The following PRKCE variants were observed in gnomAD, a reference collection of about 807,000 sequenced individuals.
PRKCE encodes the protein protein kinase C epsilon type.
In PRKCE, 16 loss-of-function variants were observed where a neutral mutation model predicts 85.4. The observed-to-expected ratio is 0.19, with a 90% CI of 0.13 to 0.28. The LOEUF (loss-of-function observed/expected upper bound fraction) is 0.28. PRKCE is among the 10% of genes least tolerant of loss of function. PRKCE has a pLI of 1.00. For missense variants in PRKCE, 573 were observed against 975.2 expected, an observed-to-expected ratio of 0.59 and a Z score of 5.49; for synonymous variants, 388 against 371.5, an observed-to-expected ratio of 1.04 and a Z score of -0.51.
chr2:45,890,667 C>T (rs532750050), intron 2 of PRKCE, among the ~76,000 whole-genome samples: 22 of 152,352 alleles, frequency 1.4e-4, no homozygotes, highest in African/African-American at 5.3e-4. Context: ...AGGTGTGAGC[C>T]ACCACACCTG....
intron 2 of PRKCE, among the ~76,000 whole-genome samples, chr2:45,948,057 G>C (rs1700358240): frequency 1.3e-5 from 2 of 152,190 alleles, no homozygotes; most frequent in African/African-American, 4.8e-5. Context: ...ATATCTAAGT[G>C]GTAGGCACTG....
intron 8 of PRKCE, among the ~76,000 whole-genome samples, chr2:46,006,407 C>A (rs1705204622): frequency 6.6e-6 from 1 of 152,182 alleles, no homozygotes; most frequent in Non-Finnish European, 1.5e-5. Context: ...CCCGTCTTCA[C>A]CCTCCCCAAC....
chr2:45,818,203 C>G (rs1689240121), intron 1 of PRKCE, among the ~76,000 whole-genome samples: 1 of 152,164 alleles, frequency 6.6e-6, no homozygotes, highest in Admixed American at 6.5e-5. Flanking sequence ...TACTTTTTGG[C>G]ATTCACAAGA....
chr2:45,891,401 A>C (rs1695711816), intron 2 of PRKCE, among the ~76,000 whole-genome samples: 1 of 152,224 alleles, frequency 6.6e-6, no homozygotes. Flanking sequence ...GCCATGCCAC[A>C]GGAAAGTCGG....
intron 1 of PRKCE, among the ~76,000 whole-genome samples, chr2:45,839,549 G>A (rs965886609): frequency 6.6e-6 from 1 of 152,240 alleles, no homozygotes; most frequent in Non-Finnish European, 1.5e-5. Flanking sequence ...GGAATGGCTG[G>A]GAGGAGGTAG....
intron 6 of PRKCE, among the ~76,000 whole-genome samples, chr2:46,000,575 C>A (rs1298502950): frequency 6.6e-6 from 1 of 152,094 alleles, no homozygotes; most frequent in African/African-American, 2.4e-5. Flanking sequence ...CCACGTTCCC[C>A]ACCCCCAACC....
intron 1 of PRKCE, among the ~76,000 whole-genome samples, chr2:45,815,753 A>T (rs1006818513): frequency 6.6e-6 from 1 of 152,214 alleles, no homozygotes; most frequent in African/African-American, 2.4e-5. Context: ...TTGAGGAATG[A>T]CATGGATCTA....
intron 1 of PRKCE, among the ~76,000 whole-genome samples, chr2:45,750,748 A>G (rs1270794811): frequency 6.6e-6 from 1 of 152,230 alleles, no homozygotes; most frequent in African/African-American, 2.4e-5. Context: ...ACATGGAAGT[A>G]TATAGAACAG....
chr2:46,109,628 A>G (rs1312706751), intron 11 of PRKCE, among the ~76,000 whole-genome samples: 1 of 152,148 alleles, frequency 6.6e-6, no homozygotes, highest in African/African-American at 2.4e-5. Context: ...TTCTACATAG[A>G]CAATTATGTC....
intron 10 of PRKCE, among the ~76,000 whole-genome samples, chr2:46,034,136 G>A (rs1279201527): frequency 2.6e-5 from 4 of 152,138 alleles, no homozygotes; most frequent in African/African-American, 7.2e-5. Context: ...AGGATGTCTT[G>A]GGGCATCCCA....
chr2:45,736,591 C>A (rs1410525466), intron 1 of PRKCE, among the ~76,000 whole-genome samples: 1 of 152,226 alleles, frequency 6.6e-6, no homozygotes, highest in African/African-American at 2.4e-5. Flanking sequence ...CCTGACACTG[C>A]CTGCCTCTCC....
intron 11 of PRKCE, among the ~76,000 whole-genome samples, chr2:46,131,714 G>A (rs187964337): frequency 4.1e-4 from 62 of 152,284 alleles, no homozygotes; most frequent in Non-Finnish European, 7.4e-4. Flanking sequence ...AACTCTGGTG[G>A]GTTTTCTCTG....
chr2:45,881,249 G>A (rs1346123756), intron 2 of PRKCE, among the ~76,000 whole-genome samples: 2 of 151,902 alleles, frequency 1.3e-5, no homozygotes, highest in East Asian at 3.9e-4. Flanking sequence ...TGTAGTATCT[G>A]TCTGGAGAAG....
At chr2:45,700,675 G>C (rs1218042783) in intron 1 of PRKCE, 1 of 152,178 alleles carries the variant, frequency 6.6e-6, no homozygotes, top group African/African-American at 2.4e-5. Context: ...GTGTGTCCCA[G>C]CAGAAAAAGA....
At chr2:45,992,918 C>G (rs1271022326) in intron 6 of PRKCE, among the ~76,000 whole-genome samples, 1 of 152,230 alleles carries the variant, frequency 6.6e-6, no homozygotes, top group Non-Finnish European at 1.5e-5. Context: ...AGGTCCTCAA[C>G]AAATGTGTGG....
At chr2:45,988,077 A>G (rs1312355086) in intron 6 of PRKCE, among the ~76,000 whole-genome samples, 1 of 152,140 alleles carries the variant, frequency 6.6e-6, no homozygotes, top group African/African-American at 2.4e-5. Context: ...CAGGTGCCCT[A>G]TGCCACCCTT....
At chr2:46,079,443 C>T (rs1353198104) in intron 10 of PRKCE, among the ~76,000 whole-genome samples, 1 of 152,066 alleles carries the variant, frequency 6.6e-6, no homozygotes, top group Non-Finnish European at 1.5e-5. Flanking sequence ...TCTTCTATAT[C>T]CCCCAGCCAC....
chr2:45,677,617 A>G (rs1040963702), intron 1 of PRKCE, among the ~76,000 whole-genome samples: 36 of 152,094 alleles, frequency 2.4e-4, no homozygotes, highest in Non-Finnish European at 4.3e-4. Flanking sequence ...CGGCCTCCCA[A>G]AGCAGTGAAG....
At chr2:45,772,097 T>C (rs1463577408) in intron 1 of PRKCE, among the ~76,000 whole-genome samples, 1 of 150,704 alleles carries the variant, frequency 6.6e-6, no homozygotes, top group Non-Finnish European at 1.5e-5. Context: ...CTGAGTAGAT[T>C]GTTCATCCTG....
Sources: gnomAD v4.1 joint callset for allele counts (sites outside exome capture counted in the v4.1 genomes callset) on GRCh38, gnomAD v4.1.1 for gene constraint, MANE v1.5 for transcripts, NCBI Gene and HGNC (gene_info 2026-07-23, HGNC 2026-07-21) for gene names.